Variants in SFI1 observed in about 807,000 individuals in gnomAD.
The protein encoded by SFI1 is protein SFI1 homolog.
Under a neutral mutation model 207.5 loss-of-function variants are expected in SFI1, and 195 were observed. The ratio of observed to expected loss-of-function variants is 0.94; its 90% CI spans 0.84 to 1.06. The LOEUF (loss-of-function observed/expected upper bound fraction) is 1.06, where lower values mean the gene tolerates loss of function less well. Among genes scored for constraint, SFI1 ranks in the 50% least tolerant of loss-of-function variants. The probability of loss-of-function intolerance (pLI) is 0.00; values close to 1 mark genes in which losing one functional copy is unlikely to be tolerated. For missense variants in SFI1, 1,634 were observed against 1,588.0 expected, an observed-to-expected ratio of 1.03 and a Z score of -0.49; for synonymous variants, 630 against 598.9, an observed-to-expected ratio of 1.05 and a Z score of -0.76.
intron 1 of SFI1, among the ~76,000 whole-genome samples, chr22:31,502,294 C>T (rs565258847): frequency 1.1e-4 from 16 of 152,056 alleles, no homozygotes; most frequent in African/African-American, 2.2e-4. Flanking sequence ...TTAAAGTTGC[C>T]GTTTCCAAGA....
chr22:31,569,331 A>G (rs1315941231), intron 8 of SFI1, among the ~76,000 whole-genome samples: 1 of 152,182 alleles, frequency 6.6e-6, no homozygotes, highest in East Asian at 1.9e-4. Flanking sequence ...GATGTGCCTC[A>G]TGATACTATG....
intron 24 of SFI1, chr22:31,612,399 ATATATATATATAT>A (rs2070456819): frequency 3.5e-5 from 2 of 57,116 alleles, no homozygotes; most frequent in African/African-American, 1.5e-4. Context: ...AAAAAAAAAA[ATATATATATATAT>A]ATATATATAT....
intron 15 of SFI1, among the ~76,000 whole-genome samples, chr22:31,598,101 C>T (rs1225823802): frequency 4.0e-5 from 6 of 151,688 alleles, no homozygotes; most frequent in Non-Finnish European, 1.5e-5. Context: ...CCTCAGCCTC[C>T]TGAGTAGCTG....
chr22:31,517,533 C>T (rs2056696070), intron 2 of SFI1, among the ~76,000 whole-genome samples: 1 of 152,194 alleles, frequency 6.6e-6, no homozygotes, highest in South Asian at 2.1e-4. Context: ...CAGGTGCGGG[C>T]CACCATGCCT....
intron 18 of SFI1, 28 bp downstream of exon 18, chr22:31,603,847 G>T: frequency 6.4e-7 from 1 of 1,571,556 alleles, no homozygotes. Flanking sequence ...GGTGCCACCC[G>T]TGTATGACTT....
chr22:31,602,282 G>T lies in SFI1; in HGVS notation c.1615G>T (p.Ala539Ser). ...KMFQHRENRL[A>S]ERMAILHAER... ...GTTTCAGCATCGAGAAAACCGCCTG[G>T]CAGAGAGAATGGTAAATGGCTGTCC... Residue 539 changes from alanine to serine, a missense_variant, in exon 16 of 33, where the codon GCA becomes TCA. Transcript: ENST00000400288. The T allele has an allele frequency of 6.2e-7, 1 of 1,613,960 alleles. No homozygotes were observed. Among genetic ancestry groups the T allele is most frequent in the Non-Finnish European group, 8.5e-7 (1 of 1,179,930 alleles).
Position 31,573,206 on chromosome 22 carries a change from A to G in SFI1, c.914A>G (p.Gln305Arg), listed in dbSNP as rs374140512. Reference sequence around the variant, plus strand: ...CTGCAAGTCCGCAGAGTGAAGAGACAGCAGAATGGTGAGTAGGAAGCTCCA... The same window carrying G: ...CTGCAAGTCCGCAGAGTGAAGAGACGGCAGAATGGTGAGTAGGAAGCTCCA... ...EYLQVRRVKR[Q>R]QNEMAERFHH... The change falls in exon 9 of 33, where the codon CAG becomes CGG. Residue 305 changes from glutamine (Q) to arginine (R), a missense_variant. Physicochemically the swap from Gln to Arg is conservative, Grantham distance 43. Coordinates refer to ENST00000400288, the MANE Select transcript of SFI1 (RefSeq NM_001007467.3). The G allele has an allele frequency of 2.9e-5, 46 of 1,613,878 alleles. No homozygotes were observed. Among genetic ancestry groups the G allele is most frequent in the Non-Finnish European group, 3.9e-5 (46 of 1,179,992 alleles).
intron 15 of SFI1, among the ~76,000 whole-genome samples, chr22:31,598,568 T>C (rs371769969): frequency 4.7e-5 from 7 of 147,988 alleles, no homozygotes; most frequent in South Asian, 4.4e-4. Flanking sequence ...TACAGACGCC[T>C]GCCACCACGC....
chr22:31,590,976 TTTA>T (rs1211912545), intron 15 of SFI1, among the ~76,000 whole-genome samples: 22 of 137,186 alleles, frequency 1.6e-4, no homozygotes, highest in African/African-American at 6.1e-4. Context: ...TATTTATTTA[TTTA>T]TTTTTTTATT....
At position 31,595,820 on chromosome 22, in the gene SFI1, C is replaced by T. The variant is rs138804612; in HGVS notation, c.1544+6243C>T. 1.1e-4 allele frequency among the ~76,000 whole-genome samples: 16 copies of T among 152,170 alleles called. No individual in the cohort carries two copies. The East Asian group carries it at 2.7e-3, about 26-fold the overall frequency. On this transcript the variant is annotated intron_variant, in intron 15 of 32. Coordinates refer to ENST00000400288, the MANE Select transcript of SFI1 (RefSeq NM_001007467.3). ...TGGGCTGACCCTATAGATAGATATT[C>T]GAAAGATATTTGAGCAGGTACATGG... is the stretch of plus-strand genomic sequence containing the variant.
At position 31,604,874 on chromosome 22, in the gene SFI1, C is replaced by G. The variant is rs2068709649; in HGVS notation, c.1983C>G (p.Tyr661Ter). 3 of 1,611,688 alleles carry G rather than the reference C, an allele frequency of 1.9e-6. No homozygotes were observed. The highest frequency in any genetic ancestry group is 2.5e-6 in the Non-Finnish European group (3 of 1,178,808). The change falls in exon 20 of 33, where the codon TAC becomes TAG. Residue 661 changes from tyrosine (Y) to a stop codon, truncating the protein, a stop_gained. Transcript: ENST00000400288. LOFTEE classifies it high-confidence loss of function. Reference protein sequence around the residue: ...LHRALQAWVTYQGRVRSILRE... With the variant: ...LHRALQAWVT Reference sequence around the variant, plus strand: ...GTCTTCCTTGTCCCCTACAGACTTACCAGGGCAGGGTGCGAAGCATCCTCC... The same window carrying G: ...GTCTTCCTTGTCCCCTACAGACTTAGCAGGGCAGGGTGCGAAGCATCCTCC...
At chr22:31,602,361 C>A in intron 16 of SFI1, 68 bp downstream of exon 16, 3 of 1,475,928 alleles carry the variant, frequency 2.0e-6, no homozygotes, top group Non-Finnish European at 2.8e-6. Flanking sequence ...CACTCACGGC[C>A]TCCCCTCCTC....
chr22:31,506,223 C>T (rs919479118), intron 1 of SFI1, among the ~76,000 whole-genome samples: 5 of 151,888 alleles, frequency 3.3e-5, no homozygotes, highest in Non-Finnish European at 7.4e-5. Context: ...CATTTTTGTA[C>T]TTTTAGTAGA....
At chr22:31,609,440 C>G (rs1052774099) in intron 22 of SFI1, among the ~76,000 whole-genome samples, 1 of 152,186 alleles carries the variant, frequency 6.6e-6, no homozygotes, top group African/African-American at 2.4e-5. Context: ...GTAGGAGAAT[C>G]TGACACGCTG....
intron 15 of SFI1, among the ~76,000 whole-genome samples, chr22:31,601,128 C>CTTTTTTTTT (rs11354377): frequency 7.5e-5 from 6 of 80,286 alleles, no homozygotes; most frequent in Admixed American, 1.5e-4. Context: ...CTTTTCTTTA[C>CTTTTTTTTT]TTTTTTTTTT....
At chr22:31,541,842 C>CCT (rs1299597981) in intron 4 of SFI1, among the ~76,000 whole-genome samples, 1 of 151,574 alleles carries the variant, frequency 6.6e-6, no homozygotes, top group African/African-American at 2.4e-5. Flanking sequence ...GTGGCTCACG[C>CCT]CTGTAATCCC....
chr22:31,559,961 A>T (rs2061521931), intron 7 of SFI1: 2 of 477,612 alleles, frequency 4.2e-6, no homozygotes, highest in Admixed American at 3.3e-5. Flanking sequence ...TTGTCTGTTA[A>T]TAAGTAGTTT....
At chr22:31,604,059 C>G (rs1050480857) in intron 18 of SFI1, among the ~76,000 whole-genome samples, 1 of 152,192 alleles carries the variant, frequency 6.6e-6, no homozygotes, top group African/African-American at 2.4e-5. Context: ...CCTGATCTAA[C>G]CATTTACAGG....
rs555145442 is a variant in SFI1 at position 31,596,414 on chromosome 22, C to T, written c.1545-5798C>T. 1.8e-3 allele frequency among the ~76,000 whole-genome samples: 268 copies of T among 152,282 alleles called. 15 individuals carry two copies. The South Asian group carries it at 0.053, about 30-fold the overall frequency. ...GAAATAGAGGCTGATGAAAGGACAT[C>T]TCTTGTCTCTTCTGGCTTCTGCAGA... On this transcript the variant is annotated intron_variant, in intron 15 of 32. Transcript: ENST00000400288.
Sources: allele counts gnomAD v4.1 joint callset (sites outside exome capture counted in the v4.1 genomes callset), GRCh38; gene constraint gnomAD v4.1.1; transcripts MANE v1.5; gene names NCBI Gene and HGNC (gene_info 2026-07-23, HGNC 2026-07-21).